The following ASIC2 variants were observed in gnomAD, a reference collection of about 807,000 sequenced individuals.
The protein encoded by ASIC2 is acid sensing ion channel subunit 2.
Under a neutral mutation model 57.3 loss-of-function variants are expected in ASIC2, and 25 were observed. The ratio of observed to expected loss-of-function variants is 0.44; its 90% confidence interval spans 0.32 to 0.61. The LOEUF is 0.61. ASIC2 is among the 20% of genes least tolerant of loss of function. The pLI is 0.06. For missense variants in ASIC2, 641 were observed against 738.1 expected, an observed-to-expected ratio of 0.87 and a Z score of 1.52; for synonymous variants, 319 against 307.5, an observed-to-expected ratio of 1.04 and a Z score of -0.39.
At chr17:33,263,494 G>A (rs1266806034) in intron 1 of ASIC2, among the ~76,000 whole-genome samples, 1 of 152,200 alleles carries the variant, frequency 6.6e-6, no homozygotes, top group Non-Finnish European at 1.5e-5. Context: ...GGAGGCGCTG[G>A]AGCCCCATCC....
At chr17:33,493,644 T>A (rs1913833057) in intron 1 of ASIC2, among the ~76,000 whole-genome samples, 1 of 152,146 alleles carries the variant, frequency 6.6e-6, no homozygotes, top group South Asian at 2.1e-4. Flanking sequence ...GGACTAGCGC[T>A]CTGTTAAAGC....
intron 1 of ASIC2, among the ~76,000 whole-genome samples, chr17:33,329,169 T>C (rs772879139): frequency 3.3e-5 from 5 of 152,180 alleles, no homozygotes; most frequent in Non-Finnish European, 7.3e-5. Flanking sequence ...CCCAGCACCA[T>C]TACTTATTGA....
intron 1 of ASIC2, among the ~76,000 whole-genome samples, chr17:33,719,194 T>C (rs1170088584): frequency 1.3e-5 from 2 of 152,172 alleles, no homozygotes; most frequent in African/African-American, 4.8e-5. Flanking sequence ...GGATGATGGA[T>C]TGGCCCTCAT....
chr17:33,621,784 C>T (rs1284982924), intron 1 of ASIC2, among the ~76,000 whole-genome samples: 1 of 152,174 alleles, frequency 6.6e-6, no homozygotes, highest in East Asian at 1.9e-4. Context: ...CACTGATCTT[C>T]TACTAATTAG....
intron 1 of ASIC2, among the ~76,000 whole-genome samples, chr17:33,378,239 A>C (rs1185813955): frequency 3.3e-5 from 5 of 152,200 alleles, no homozygotes; most frequent in African/African-American, 1.2e-4. Flanking sequence ...ACACATATAC[A>C]TGTTCTATAC....
intron 1 of ASIC2, among the ~76,000 whole-genome samples, chr17:33,988,457 C>T (rs926002270): frequency 1.3e-5 from 2 of 152,180 alleles, no homozygotes; most frequent in African/African-American, 4.8e-5. Flanking sequence ...TCCTCCTTGC[C>T]TTCCGCCATG....
At chr17:33,519,607 T>G (rs1250932145) in intron 1 of ASIC2, among the ~76,000 whole-genome samples, 1 of 152,168 alleles carries the variant, frequency 6.6e-6, no homozygotes, top group Non-Finnish European at 1.5e-5. Flanking sequence ...CTCGGCTCAC[T>G]GTCATGGAAA....
intron 1 of ASIC2, among the ~76,000 whole-genome samples, chr17:33,779,967 CTTTT>C (rs759850922): frequency 1.2e-5 from 1 of 85,206 alleles, no homozygotes. Context: ...CTACAGAAGC[CTTTT>C]TTTTTTTTTT....
At chr17:33,681,700 G>T (rs1002829017) in intron 1 of ASIC2, among the ~76,000 whole-genome samples, 1 of 152,138 alleles carries the variant, frequency 6.6e-6, no homozygotes, top group Non-Finnish European at 1.5e-5. Context: ...CCTTCACCTG[G>T]TCGGCTCTAG....
chr17:33,800,411 C>T (rs886782701), intron 1 of ASIC2, among the ~76,000 whole-genome samples: 1 of 152,136 alleles, frequency 6.6e-6, no homozygotes, highest in African/African-American at 2.4e-5. Context: ...GCATACACAC[C>T]TGCCTTTGGT....
At chr17:34,145,066 A>T (rs1912380866) in intron 1 of ASIC2, among the ~76,000 whole-genome samples, 1 of 152,144 alleles carries the variant, frequency 6.6e-6, no homozygotes, top group African/African-American at 2.4e-5. Context: ...ATTTATGACA[A>T]ATTCCTCTGG....
intron 1 of ASIC2, among the ~76,000 whole-genome samples, chr17:33,334,549 C>T (rs1451215430): frequency 1.3e-5 from 2 of 152,180 alleles, no homozygotes; most frequent in Non-Finnish European, 2.9e-5. Flanking sequence ...CCCAAAGAGA[C>T]CCTATCAGTA....
intron 1 of ASIC2, among the ~76,000 whole-genome samples, chr17:33,526,613 G>A (rs1914890638): frequency 6.7e-6 from 1 of 148,830 alleles, no homozygotes; most frequent in South Asian, 2.1e-4. Flanking sequence ...GTGCTGGATT[G>A]TTCATCATCA....
Position 33,680,376 on chromosome 17 carries a change from G to A in ASIC2, c.555+475602C>T, listed in dbSNP as rs572197372. 3.3e-5 allele frequency among the ~76,000 whole-genome samples: 5 copies of A among 152,268 alleles called. No homozygotes were observed. In the South Asian group the frequency reaches 1.0e-3, roughly 32 times the overall value. ...CCCTGGCTCTGGGAAGGAGCTCATG[G>A]AAAGTTGGGTGAACTTCTTGTTAGA... On this transcript the variant is annotated intron_variant, in intron 1 of 9. Transcript: ENST00000359872.
At chr17:33,728,243 G>C (rs754128232) in intron 1 of ASIC2, among the ~76,000 whole-genome samples, 1 of 152,064 alleles carries the variant, frequency 6.6e-6, no homozygotes, top group Admixed American at 6.6e-5. Flanking sequence ...GGCTCCAGGG[G>C]CCCAAAGCCA....
At chr17:33,104,088 C>T (rs1326290864) in intron 2 of ASIC2, among the ~76,000 whole-genome samples, 3 of 152,144 alleles carry the variant, frequency 2.0e-5, no homozygotes, top group African/African-American at 7.2e-5. Flanking sequence ...TGTAATCTGC[C>T]AAGTCGATTG....
chr17:33,554,216 C>T (rs9898999), intron 1 of ASIC2, among the ~76,000 whole-genome samples: 30,088 of 152,158 alleles, frequency 0.2, 3,058 homozygotes, highest in South Asian at 0.33. Flanking sequence ...TAGTTGGAGA[C>T]AGTGTTATTT....
chr17:34,155,176 C>T (rs1446537714), intron 1 of ASIC2, among the ~76,000 whole-genome samples: 2 of 151,996 alleles, frequency 1.3e-5, no homozygotes, highest in African/African-American at 4.8e-5. Flanking sequence ...GAGAGAAAAC[C>T]GAGCCTTTGA....
At chr17:33,776,126 C>T (rs1433189573) in intron 1 of ASIC2, among the ~76,000 whole-genome samples, 3 of 89,556 alleles carry the variant, frequency 3.3e-5, no homozygotes, top group Admixed American at 1.2e-4. Flanking sequence ...CAGCAAGACT[C>T]TGTCTCAAAA....
Sources: gnomAD v4.1 joint callset for allele counts (sites outside exome capture counted in the v4.1 genomes callset) on GRCh38, gnomAD v4.1.1 for gene constraint, MANE v1.5 for transcripts, NCBI Gene and HGNC (gene_info 2026-07-23, HGNC 2026-07-21) for gene names.